The following POU3F3 variants were observed in gnomAD, a reference collection of about 807,000 sequenced individuals.
The protein encoded by POU3F3 is POU class 3 homeobox 3.
POU3F3 carries 1 observed loss-of-function variant against 8.6 expected under a neutral mutation model. That is an observed-to-expected ratio of 0.12 (90% CI 0.04 to 0.55). The LOEUF (loss-of-function observed/expected upper bound fraction) is 0.55. POU3F3 is among the 20% of genes least tolerant of loss of function. The probability of loss-of-function intolerance (pLI) is 0.91; values close to 1 mark genes in which losing one functional copy is unlikely to be tolerated. For synonymous variants in POU3F3, 418 were observed against 327.4 expected, an observed-to-expected ratio of 1.28 and a Z score of -2.99; for missense variants, 577 against 690.7, an observed-to-expected ratio of 0.84 and a Z score of 1.84.
the POU3F3 span, among the ~76,000 whole-genome samples, chr2:104,903,534 G>T: frequency 6.6e-6 from 1 of 152,172 alleles, no homozygotes; most frequent in African/African-American, 2.4e-5. Flanking sequence ...CAGCCACAAG[G>T]CACAGTAATA....
At chr2:104,923,552 A>T in the POU3F3 span, among the ~76,000 whole-genome samples, 1 of 152,286 alleles carries the variant, frequency 6.6e-6, no homozygotes, top group Non-Finnish European at 1.5e-5. Context: ...GGAAATGAGA[A>T]GGGAATTTAA....
At chr2:104,858,949 C>T (rs1167218062), downstream of POU3F3, among the ~76,000 whole-genome samples, 2 of 151,794 alleles carry the variant, frequency 1.3e-5, no homozygotes, top group South Asian at 2.1e-4. Context: ...TTAATACAGC[C>T]CCTCCCCCCA....
At chr2:104,879,436 T>C in the POU3F3 span, among the ~76,000 whole-genome samples, 1 of 152,100 alleles carries the variant, frequency 6.6e-6, no homozygotes, top group Non-Finnish European at 1.5e-5. Flanking sequence ...AAGTTGGTTT[T>C]TTATTTTCTT....
At chr2:104,880,523 G>A in the POU3F3 span, among the ~76,000 whole-genome samples, 10 of 152,262 alleles carry the variant, frequency 6.6e-5, no homozygotes, top group East Asian at 1.9e-3. Flanking sequence ...CTGCAGTGGA[G>A]ATCCTTGGCC....
chr2:104,859,949 T>A (rs1032575182), downstream of POU3F3, among the ~76,000 whole-genome samples: 7 of 152,146 alleles, frequency 4.6e-5, no homozygotes, highest in Non-Finnish European at 1.0e-4. Flanking sequence ...AAAGAAGTCC[T>A]CATTGGAAAG....
the POU3F3 span, among the ~76,000 whole-genome samples, chr2:104,907,935 G>A: frequency 6.6e-6 from 1 of 152,114 alleles, no homozygotes; most frequent in East Asian, 1.9e-4. Context: ...GTGAGAGTGT[G>A]TGTGTATGTG....
Position 104,855,691 on chromosome 2 carries a change from G to A in POU3F3, c.181G>A (p.Gly61Ser), listed in dbSNP as rs748681422. The change falls in exon 1 of 1, where the codon GGC becomes AGC. Residue 61 changes from glycine to serine, a missense_variant. Coordinates refer to ENST00000361360, the MANE Select transcript of POU3F3 (RefSeq NM_006236.3). Reference sequence around the variant, plus strand: ...GCCGGGCAGCGCCGCCGTGACCTCGGGCGCCTACCGGGGGGACCCGTCCTC... The same window carrying A: ...GCCGGGCAGCGCCGCCGTGACCTCGAGCGCCTACCGGGGGGACCCGTCCTC... ...MQPGSAAVTS[G>S]AYRGDPSSVK... The A allele has an allele frequency of 1.7e-6, 2 of 1,201,586 alleles. No homozygotes were observed. The highest frequency in any genetic ancestry group is 5.7e-5 in the Admixed American group (2 of 35,036). 74.4% of individuals were successfully genotyped at this position (1,201,586 alleles called of 1,614,324 possible). A position where few individuals can be genotyped will look rare whatever the true frequency, so the allele number is the denominator to read the frequency against.
chr2:104,872,154 T>C, the POU3F3 span: 1 of 440,800 alleles, frequency 2.3e-6, no homozygotes, highest in Non-Finnish European at 4.5e-6. This position sits in a 1 kb window ranked among gnomAD's most constrained non-coding sequence, Gnocchi z 4.6. Flanking sequence ...CCTGGAGAAC[T>C]TCCCCTGCAG....
At chr2:104,912,903 A>G in the POU3F3 span, among the ~76,000 whole-genome samples, 117 of 152,346 alleles carry the variant, frequency 7.7e-4, 1 homozygote, top group East Asian at 0.017. Context: ...TTTGCTTCAG[A>G]CAGAAGATCC....
chr2:104,860,145 T>A (rs1194953198), downstream of POU3F3, among the ~76,000 whole-genome samples: 1 of 152,232 alleles, frequency 6.6e-6, no homozygotes, highest in Non-Finnish European at 1.5e-5. Context: ...TTTCACACTG[T>A]TTTCTATTAA....
the POU3F3 span, among the ~76,000 whole-genome samples, chr2:104,893,264 G>A: frequency 1.3e-5 from 2 of 152,198 alleles, no homozygotes; most frequent in African/African-American, 4.8e-5. Flanking sequence ...GGTGAGGATG[G>A]TCCCCAGTGT....
At position 104,854,933 on chromosome 2, in the gene POU3F3, G is replaced by A. The variant is rs1676516904; in HGVS notation, c.-578G>A. 6.6e-6 allele frequency among the ~76,000 whole-genome samples: 1 copy of A among 152,224 alleles called. No individual in the cohort carries two copies. The highest frequency in any genetic ancestry group is 6.5e-5 in the Admixed American group (1 of 15,286). ...AATTTGGCTAAGGAAGAAAGGAGCA[G>A]CTTCTTTCTTTGTTATCTCCCGTGA... On this transcript the variant is annotated 5_prime_UTR_variant, in exon 1 of 1. Coordinates refer to ENST00000361360, the MANE Select transcript of POU3F3 (RefSeq NM_006236.3). This position sits in a 1 kb window ranked among gnomAD's most constrained non-coding sequence, Gnocchi z 4.5.
the POU3F3 span, among the ~76,000 whole-genome samples, chr2:104,897,153 G>T: frequency 6.6e-6 from 1 of 152,222 alleles, no homozygotes; most frequent in Admixed American, 6.5e-5. Context: ...TGCCAAGGTT[G>T]GCATTGCATT....
the POU3F3 span, among the ~76,000 whole-genome samples, chr2:104,907,845 A>C: frequency 2.6e-5 from 4 of 152,202 alleles, no homozygotes; most frequent in African/African-American, 9.6e-5. Context: ...TTGACTTGCT[A>C]TTGACTTTAG....
At chr2:104,919,634 C>A in the POU3F3 span, among the ~76,000 whole-genome samples, 1 of 152,174 alleles carries the variant, frequency 6.6e-6, no homozygotes, top group African/African-American at 2.4e-5. Context: ...CTATTTACTT[C>A]TCTTTCTCTC....
rs946087149 is a variant in POU3F3, at chr2:104,854,543, T to C, written c.-968T>C. On this transcript the variant is annotated 5_prime_UTR_variant, in exon 1 of 1. Transcript: ENST00000361360. The surrounding 1 kb of genome is among the most constrained non-coding windows in gnomAD (Gnocchi z 4.5). ...TGTTCAATTTTTTCCTTGTTATATTTGTTTCCTAATTTCTGCCCAAAAGGA... is the reference window on the plus strand; with the variant it reads ...TGTTCAATTTTTTCCTTGTTATATTCGTTTCCTAATTTCTGCCCAAAAGGA... Among the ~76,000 whole-genome samples, 1 of 152,210 alleles carries C rather than the reference T, an allele frequency of 6.6e-6. No homozygotes were observed. Among genetic ancestry groups the C allele is most frequent in the African/African-American group, 2.4e-5 (1 of 41,460 alleles).
chr2:104,889,907 A>G, the POU3F3 span, among the ~76,000 whole-genome samples: 1 of 152,078 alleles, frequency 6.6e-6, no homozygotes, highest in Non-Finnish European at 1.5e-5. Context: ...CTTTTCTTGT[A>G]AGTTTTTTTT....
chr2:104,909,658 C>T, the POU3F3 span, among the ~76,000 whole-genome samples: 2 of 152,352 alleles, frequency 1.3e-5, no homozygotes, highest in Non-Finnish European at 2.9e-5. Flanking sequence ...GCTGGGCTCC[C>T]CACAGCCACA....
At position 104,856,820 on chromosome 2, in the gene POU3F3, C is replaced by G; in HGVS notation, c.1310C>G (p.Thr437Ser). 1 of 1,614,134 alleles carries G rather than the reference C, an allele frequency of 6.2e-7. No homozygotes were observed. Among genetic ancestry groups the G allele is most frequent in the Admixed American group, 1.7e-5 (1 of 60,032 alleles). ...KCPKPSAQEI[T>S]NLADSLQLEK... ...CCCAAGCCCTCCGCGCAGGAGATCA[C>G]CAACCTGGCCGACAGCCTGCAGCTC... The change falls in exon 1 of 1, where the codon ACC becomes AGC. Residue 437 changes from threonine to serine, a missense_variant. Thr to Ser is a moderately conservative substitution (Grantham distance 58). Around this residue, in one of 7 missense-constraint regions of POU3F3, gnomAD observed 21 missense variants for 41.9 expected, o/e 0.50. Transcript: ENST00000361360.
Sources: gnomAD v4.1 joint callset for allele counts (sites outside exome capture counted in the v4.1 genomes callset) on GRCh38, gnomAD v4.1.1 for gene constraint, gnomAD v4.1.1 regional missense constraint, Gnocchi (gnomAD v3.1) non-coding constraint, MANE v1.5 for transcripts, NCBI Gene and HGNC (gene_info 2026-07-23, HGNC 2026-07-21) for gene names.